Variants in BCR observed in about 807,000 individuals in gnomAD.
BCR encodes BCR activator of RhoGEF and GTPase, also known as breakpoint cluster region protein.
A neutral mutation model predicts 138.6 loss-of-function variants in BCR; 58 were observed. The observed-to-expected ratio is 0.42, with a 90% CI of 0.34 to 0.52. BCR has a LOEUF of 0.52. BCR is among the 20% of genes least tolerant of loss of function. BCR has a pLI of 0.06. For missense variants in BCR, 1,599 were observed against 1,727.2 expected (o/e 0.93, Z 1.32); for synonymous variants, 786 against 730.1 (o/e 1.08, Z -1.23).
At chr22:23,253,651 G>T in intron 1 of BCR, 148 bp from the exon 2 acceptor site, 2 of 844,028 alleles carry the variant, frequency 2.4e-6, no homozygotes, top group Non-Finnish European at 3.7e-6. Flanking sequence ...TGACCAGTCA[G>T]TTGTGAAGGG....
chr22:23,309,228 G>A (rs1303732945), intron 16 of BCR, among the ~76,000 whole-genome samples, 196 bp from the exon 17 acceptor site: 6 of 152,214 alleles, frequency 3.9e-5, no homozygotes, highest in Non-Finnish European at 8.8e-5. Flanking sequence ...TCTGGGAGCA[G>A]TGGGGCCCTG....
chr22:23,232,143 A>G (rs1411842330), intron 1 of BCR, among the ~76,000 whole-genome samples: 1 of 152,250 alleles, frequency 6.6e-6, no homozygotes, highest in Non-Finnish European at 1.5e-5. Flanking sequence ...GGCCAAGGAC[A>G]GGGCCTGCTG....
chr22:23,231,423 T>C (rs1433032880), intron 1 of BCR, among the ~76,000 whole-genome samples: 1 of 151,844 alleles, frequency 6.6e-6, no homozygotes, highest in African/African-American at 2.4e-5. Flanking sequence ...GGAAGATTGC[T>C]TGAGCCCCAG....
intron 22 of BCR, 71 bp downstream of exon 22, chr22:23,314,785 A>G (rs540469237): frequency 5.1e-6 from 8 of 1,557,602 alleles, no homozygotes; most frequent in African/African-American, 1.4e-5. Context: ...CCCCACCCCC[A>G]GTCCTGCCCA....
chr22:23,288,046 T>C, intron 11 of BCR, 51 bp from the exon 12 acceptor site: 1 of 1,578,284 alleles, frequency 6.3e-7, no homozygotes. Flanking sequence ...TACCAGGCAT[T>C]TGCGTAGCCA....
intron 2 of BCR, among the ~76,000 whole-genome samples, chr22:23,255,942 G>A (rs2073290362): frequency 6.6e-6 from 1 of 152,226 alleles, no homozygotes; most frequent in Admixed American, 6.5e-5. Context: ...GATTGGAGGA[G>A]AACTGTGTGT....
At chr22:23,228,516 C>G (rs1379874328) in intron 1 of BCR, among the ~76,000 whole-genome samples, 1 of 152,172 alleles carries the variant, frequency 6.6e-6, no homozygotes, top group Non-Finnish European at 1.5e-5. Context: ...AACATACTAC[C>G]TTATAGTTCT....
chr22:23,310,581 A>G (rs2073996473), intron 18 of BCR, 148 bp downstream of exon 18: 4 of 601,366 alleles, frequency 6.7e-6, no homozygotes, highest in South Asian at 3.7e-5. Flanking sequence ...GTCTTCAGCT[A>G]CCTCCTGTGT....
chr22:23,236,178 A>T (rs983794969), intron 1 of BCR, among the ~76,000 whole-genome samples: 2 of 152,152 alleles, frequency 1.3e-5, no homozygotes, highest in African/African-American at 4.8e-5. Context: ...GGTGGCCTCC[A>T]CGTACCTTCT....
chr22:23,200,488 T>A (rs1439238177), intron 1 of BCR, among the ~76,000 whole-genome samples: 2 of 151,966 alleles, frequency 1.3e-5, no homozygotes, highest in Admixed American at 6.6e-5. Context: ...AGGTAATTTT[T>A]AAATTTTTTG....
intron 1 of BCR, among the ~76,000 whole-genome samples, chr22:23,230,011 C>G (rs1387098952): frequency 6.7e-6 from 1 of 150,348 alleles, no homozygotes; most frequent in Non-Finnish European, 1.5e-5. Context: ...TTTCTCCTTC[C>G]TGGGCTTTTG....
chr22:23,297,207 GTTTTT>G (rs1307353327), intron 16 of BCR, among the ~76,000 whole-genome samples: 2 of 97,382 alleles, frequency 2.1e-5, no homozygotes, highest in African/African-American at 9.8e-5. Context: ...TGGCTAAGTT[GTTTTT>G]TGTTTTTTGT....
At chr22:23,183,230 G>T (rs1377306339) in intron 1 of BCR, among the ~76,000 whole-genome samples, 2 of 152,202 alleles carry the variant, frequency 1.3e-5, no homozygotes, top group Non-Finnish European at 2.9e-5. Context: ...GTAAGGAAAG[G>T]GTGGGCTGGG....
At chr22:23,217,242 A>G (rs1031919242) in intron 1 of BCR, among the ~76,000 whole-genome samples, 3 of 152,222 alleles carry the variant, frequency 2.0e-5, no homozygotes, top group Non-Finnish European at 2.9e-5. Context: ...AAAGTAAAAA[A>G]TCCTTAGCAT....
chr22:23,294,432 A>G (rs1423573599), intron 15 of BCR, among the ~76,000 whole-genome samples: 1 of 152,184 alleles, frequency 6.6e-6, no homozygotes. Context: ...GGAGAGTCTC[A>G]CACTGTTGGC....
At chr22:23,189,861 C>T (rs1302002577) in intron 1 of BCR, among the ~76,000 whole-genome samples, 1 of 152,244 alleles carries the variant, frequency 6.6e-6, no homozygotes, top group Non-Finnish European at 1.5e-5. Flanking sequence ...AGGGTGTTCT[C>T]TTCCGGAAAA....
chr22:23,314,775 C>T, intron 22 of BCR, 61 bp downstream of exon 22: 2 of 1,575,954 alleles, frequency 1.3e-6, no homozygotes, highest in Non-Finnish European at 1.7e-6. Context: ...CCTCTGCCTG[C>T]CCCACCCCCA....
Position 23,292,545 on chromosome 22 carries a change from G to T in BCR, c.2787G>T (p.Leu929=). The T allele has an allele frequency of 6.2e-7, 1 of 1,612,510 alleles. No individual in the cohort carries two copies. Among genetic ancestry groups the T allele is most frequent in the Non-Finnish European group, 8.5e-7 (1 of 1,178,824 alleles). The change falls in exon 15 of 23, where the codon CTG becomes CTT. Residue 929 remains leucine (L), a synonymous_variant. Transcript: ENST00000305877. Reference sequence around the variant, plus strand: ...CATGTCCACTTCTCCCCACAGATCTGTACTGCACCCTGGAGGTGGATTCCT... The same window carrying T: ...CATGTCCACTTCTCCCCACAGATCTTTACTGCACCCTGGAGGTGGATTCCT... The part of the protein sequence containing the change: ...SATGFKQSSN[L]YCTLEVDSFG...
chr22:23,240,582 C>T (rs1353482773), intron 1 of BCR, among the ~76,000 whole-genome samples: 2 of 151,232 alleles, frequency 1.3e-5, no homozygotes, highest in African/African-American at 4.9e-5. Flanking sequence ...ACCCAGGAGG[C>T]GGAGCTTGCA....
Sources: allele counts gnomAD v4.1 joint callset (sites outside exome capture counted in the v4.1 genomes callset), GRCh38; gene constraint gnomAD v4.1.1; transcripts MANE v1.5; gene names NCBI Gene and HGNC (gene_info 2026-07-23, HGNC 2026-07-21).